RBFOX1: variants seen among roughly 807,000 people sequenced by gnomAD.
The protein encoded by RBFOX1 is RNA binding fox-1 homolog 1, also known as RNA binding protein fox-1 homolog 1.
A neutral mutation model predicts 57.7 loss-of-function variants in RBFOX1; 8 were observed. That is an observed-to-expected ratio of 0.14 (90% CI 0.08 to 0.25). The LOEUF (loss-of-function observed/expected upper bound fraction) is 0.25. Among genes scored for constraint, RBFOX1 ranks in the 10% least tolerant of loss-of-function variants. The pLI is 1.00. For synonymous variants in RBFOX1, 326 were observed against 222.4 expected (o/e 1.47, Z -4.15); for missense variants, 611 against 548.5 (o/e 1.11, Z -1.14).
At chr16:7,710,057 T>C (rs1229376693) in intron 15 of RBFOX1, 7 of 1,001,668 alleles carry the variant, frequency 7.0e-6, no homozygotes, top group Non-Finnish European at 8.3e-6. Flanking sequence ...AGCTCAGTCA[T>C]AGAAATTCAG....
At chr16:7,155,633 A>G (rs907594509) in intron 4 of RBFOX1, among the ~76,000 whole-genome samples, 8 of 147,210 alleles carry the variant, frequency 5.4e-5, no homozygotes, top group African/African-American at 1.5e-4. Flanking sequence ...AGAAATACCA[A>G]TATTCCCAGG....
intron 3 of RBFOX1, among the ~76,000 whole-genome samples, chr16:6,788,810 C>A (rs987624997): frequency 6.6e-6 from 1 of 152,060 alleles, no homozygotes. Context: ...TCTGTGATGT[C>A]ATACGATGTG....
intron 4 of RBFOX1, among the ~76,000 whole-genome samples, chr16:7,344,422 C>A (rs2096955503): frequency 6.7e-6 from 1 of 149,200 alleles, no homozygotes; most frequent in Non-Finnish European, 1.5e-5. Flanking sequence ...ATAATATATG[C>A]AATAATATGT....
At chr16:7,447,583 C>T (rs979284069) in intron 4 of RBFOX1, among the ~76,000 whole-genome samples, 11 of 152,132 alleles carry the variant, frequency 7.2e-5, no homozygotes, top group Admixed American at 2.6e-4. Flanking sequence ...TTTCTGTTCC[C>T]AGTTGAAACT....
chr16:7,250,438 C>G (rs967054505), intron 4 of RBFOX1, among the ~76,000 whole-genome samples: 1 of 152,292 alleles, frequency 6.6e-6, no homozygotes, highest in South Asian at 2.1e-4. Context: ...GAAATCCTTC[C>G]TAAGTGAACC....
chr16:5,615,195 T>G (rs1414105161), intron 3 of RBFOX1, among the ~76,000 whole-genome samples: 1 of 152,176 alleles, frequency 6.6e-6, no homozygotes, highest in African/African-American at 2.4e-5. Flanking sequence ...CTCCCACATC[T>G]GGCTATCTTC....
intron 2 of RBFOX1, among the ~76,000 whole-genome samples, chr16:6,619,315 A>G (rs780077136): frequency 2.0e-5 from 3 of 152,116 alleles, no homozygotes; most frequent in Non-Finnish European, 2.9e-5. Context: ...TCTCGTTTGC[A>G]TATCTTGGTA....
rs1201634777 is a variant in RBFOX1 at position 7,557,394 on chromosome 16, C to T, written c.271-22383C>T. Among the ~76,000 whole-genome samples the T allele has an allele frequency of 7.2e-5, 11 of 151,980 alleles. No homozygotes were observed. The East Asian group carries it at 7.7e-4, about 11-fold the overall frequency. On this transcript the variant is annotated intron_variant, in intron 5 of 15. Coordinates refer to ENST00000550418, the MANE Select transcript of RBFOX1 (RefSeq NM_018723.4). ...CAGCACTTTGGGAGGCCAACGTGGG[C>T]GGATCACTTGAGATCAAGAATTCCA...
intron 1 of RBFOX1, among the ~76,000 whole-genome samples, chr16:5,322,524 T>C (rs1298024564): frequency 6.6e-6 from 1 of 152,294 alleles, no homozygotes; most frequent in East Asian, 1.9e-4. Context: ...ATCATCTTCT[T>C]TAATCCTCCG....
intron 2 of RBFOX1, among the ~76,000 whole-genome samples, chr16:5,488,473 G>T (rs940749100): frequency 6.6e-6 from 1 of 151,248 alleles, no homozygotes; most frequent in African/African-American, 2.4e-5. Context: ...GTGTGGTGGG[G>T]TGTGATGGTG....
At chr16:6,034,594 C>G (rs2095339819) in intron 1 of RBFOX1, among the ~76,000 whole-genome samples, 1 of 152,040 alleles carries the variant, frequency 6.6e-6, no homozygotes, top group African/African-American at 2.4e-5. Flanking sequence ...AAGGCAGAGT[C>G]TTCATGGTCT....
At chr16:6,782,684 A>G (rs1603622917) in intron 3 of RBFOX1, among the ~76,000 whole-genome samples, 1 of 152,188 alleles carries the variant, frequency 6.6e-6, no homozygotes, top group East Asian at 1.9e-4. Context: ...TGTGCCCATG[A>G]GAAGAATGTG....
At chr16:5,894,573 T>C (rs998350841) in intron 4 of RBFOX1, among the ~76,000 whole-genome samples, 1 of 151,970 alleles carries the variant, frequency 6.6e-6, no homozygotes, top group Non-Finnish European at 1.5e-5. Context: ...CCATGCCCTG[T>C]TACTAAAAAC....
At chr16:7,200,862 G>A (rs369333327) in intron 4 of RBFOX1, among the ~76,000 whole-genome samples, 3 of 152,242 alleles carry the variant, frequency 2.0e-5, no homozygotes, top group African/African-American at 2.4e-5. Flanking sequence ...GACATTATGT[G>A]ACTTTGAGGC....
chr16:6,875,912 C>T (rs1454012434), intron 3 of RBFOX1, among the ~76,000 whole-genome samples: 1 of 152,116 alleles, frequency 6.6e-6, no homozygotes, highest in Admixed American at 6.5e-5. Context: ...GTGGGAGGAT[C>T]ACTTGAGCCG....
rs567317586 is a variant in RBFOX1 at position 7,314,347 on chromosome 16, TGG to T, written c.28-203797_28-203796del. 1.0e-3 allele frequency among the ~76,000 whole-genome samples: 155 copies of T among 152,108 alleles called. 1 individual carries two copies. The highest frequency in any genetic ancestry group is 3.6e-3 in the African/African-American group (148 of 41,480). On this transcript the variant is annotated intron_variant, in intron 4 of 15. Coordinates refer to ENST00000550418, the MANE Select transcript of RBFOX1 (RefSeq NM_018723.4). ...GTGTTCATAACGGAATTTCAGGGAG[TGG>T]GGTCCTGCCTTGCCATGCTGTTTTG...
chr16:6,819,159 C>A (rs2090763443), intron 3 of RBFOX1, among the ~76,000 whole-genome samples: 1 of 152,168 alleles, frequency 6.6e-6, no homozygotes, highest in African/African-American at 2.4e-5. Context: ...TATTTGACCC[C>A]TGTGAGCCTT....
chr16:5,693,412 A>C (rs773285842), intron 3 of RBFOX1, among the ~76,000 whole-genome samples: 5 of 151,986 alleles, frequency 3.3e-5, no homozygotes, highest in Non-Finnish European at 4.4e-5. Context: ...GAATCAAAAC[A>C]CTGCAATGGA....
At chr16:7,291,221 G>A (rs900960834) in intron 4 of RBFOX1, among the ~76,000 whole-genome samples, 3 of 152,144 alleles carry the variant, frequency 2.0e-5, no homozygotes, top group East Asian at 1.9e-4. Context: ...ATTCAATACT[G>A]TGCCCTAACC....
Sources: allele counts gnomAD v4.1 joint callset (sites outside exome capture counted in the v4.1 genomes callset), GRCh38; gene constraint gnomAD v4.1.1; transcripts MANE v1.5; gene names NCBI Gene and HGNC (gene_info 2026-07-23, HGNC 2026-07-21).